FRYL: variants seen among roughly 807,000 people sequenced by gnomAD.
FRYL encodes the protein FRY like transcription coactivator.
Under a neutral mutation model 351.2 loss-of-function variants are expected in FRYL, and 150 were observed. That is an observed-to-expected ratio of 0.43 (90% CI 0.37 to 0.49). FRYL has a LOEUF of 0.49. Ranked by LOEUF, FRYL falls within the 20% of genes least tolerant of loss-of-function variation. The pLI is 0.00. For synonymous variants in FRYL, 1,153 were observed against 1,257.1 expected, an observed-to-expected ratio of 0.92 and a Z score of 1.75; for missense variants, 3,036 against 3,619.3, an observed-to-expected ratio of 0.84 and a Z score of 4.13.
rs750619021 is a variant in FRYL, at chr4:48,515,113, C to T, written c.7852G>A (p.Val2618Ile). 2.5e-6 allele frequency: 4 copies of T among 1,613,826 alleles called. No homozygotes were observed. The African/African-American group carries it at 4.0e-5, about 16-fold the overall frequency. ...GCTAAGGTAACATCCTCTTCACAGA[C>T]TGACTCGGGGTAACTTTCAGGAGCT... ...PLAPESYPES[V>I]CEEDVTLALK... The change falls in exon 56 of 64, where the codon GTC (valine) becomes ATC (isoleucine). Residue 2618 changes from valine (V) to isoleucine (I), a missense_variant. Physicochemically the swap from Val to Ile is conservative, Grantham distance 29. Transcript: ENST00000358350.
At chr4:48,575,940 C>T (rs1739508086) in intron 24 of FRYL, 90 bp downstream of exon 24, 2 of 1,076,386 alleles carry the variant, frequency 1.9e-6, no homozygotes, top group Admixed American at 2.7e-5. Flanking sequence ...AACTGAGTTA[C>T]TTTATTGTCC....
At chr4:48,746,539 C>T (rs1460331137) in intron 1 of FRYL, among the ~76,000 whole-genome samples, 1 of 149,708 alleles carries the variant, frequency 6.7e-6, no homozygotes, top group Non-Finnish European at 1.5e-5. Context: ...AGCAAGACTC[C>T]GTTTTAAAAA....
Position 48,499,483 on chromosome 4 carries a change from T to C in FRYL, c.8981A>G (p.Gln2994Arg). 1 of 1,613,896 alleles carries C rather than the reference T, an allele frequency of 6.2e-7. No individual in the cohort carries two copies. Among genetic ancestry groups the C allele is most frequent in the South Asian group, 1.1e-5 (1 of 91,078 alleles). ...GGCCTGTGCTAGAAGTTGGTATGAT[T>C]GCACCATGCGTAGAGACTCTCTTAT... ...LEIRESLRMV[Q>R]SYQLLAQAKP... The change falls in exon 64 of 64, where the codon CAA becomes CGA. Residue 2994 changes from glutamine (Q) to arginine (R), a missense_variant. Gln to Arg is a conservative substitution (Grantham distance 43). Coordinates refer to ENST00000358350, the MANE Select transcript of FRYL (RefSeq NM_015030.2).
chr4:48,565,080 T>A (rs1736459351), intron 29 of FRYL, 37 bp from the exon 30 acceptor site: 2 of 1,229,588 alleles, frequency 1.6e-6, no homozygotes, highest in Non-Finnish European at 2.3e-6. Context: ...TTTAACAAAT[T>A]TAAGAGGTTA....
intron 47 of FRYL, among the ~76,000 whole-genome samples, chr4:48,537,367 T>A (rs147795607): frequency 0.012 from 1,833 of 152,238 alleles, 82 homozygotes; most frequent in Admixed American, 0.089. Flanking sequence ...CCAAAAAGAG[T>A]GTGTTTTATA....
At chr4:48,543,754 T>A in intron 44 of FRYL, 53 bp downstream of exon 44, 1 of 1,506,992 alleles carries the variant, frequency 6.6e-7, no homozygotes, top group South Asian at 1.2e-5. Flanking sequence ...GGACAATAAA[T>A]CCTTGACAAC....
rs546448131 is a variant in FRYL at position 48,602,952 on chromosome 4, G to A, written c.933+338C>T. Among the ~76,000 whole-genome samples, 7 of 152,216 alleles carry A rather than the reference G, an allele frequency of 4.6e-5. No homozygotes were observed. In the East Asian group the frequency reaches 1.4e-3, roughly 29 times the overall value. Reference sequence around the variant, plus strand: ...ACCATATAGCCTAGGTGTGTAGTAGGCTATACTATTTAGGTTTGTGTAAGT... The same window carrying A: ...ACCATATAGCCTAGGTGTGTAGTAGACTATACTATTTAGGTTTGTGTAAGT... On this transcript the variant is annotated intron_variant, in intron 12 of 63. Coordinates refer to ENST00000358350, the MANE Select transcript of FRYL (RefSeq NM_015030.2).
In FRYL at chr4:48,561,518, G is replaced by A; in HGVS notation, c.3815C>T (p.Ser1272Phe). The change falls in exon 33 of 64, where the codon TCC (serine) becomes TTC (phenylalanine). Residue 1272 changes from serine (S) to phenylalanine (F), a missense_variant. Physicochemically the swap from Ser to Phe is radical, Grantham distance 155. Transcript: ENST00000358350. ...AGGATACGCCCTTGCTAGTTCCTCG[G>A]ACAACTGATAATATGAAACAGAATA... The part of the protein sequence containing the change: ...HLYSVSYYQL[S>F]EELARAYPEL... The A allele has an allele frequency of 6.2e-7, 1 of 1,611,516 alleles. No individual in the cohort carries two copies. Among genetic ancestry groups the A allele is most frequent in the Admixed American group, 1.7e-5 (1 of 59,994 alleles).
chr4:48,744,985 T>C (rs1032036390), intron 1 of FRYL, among the ~76,000 whole-genome samples: 1 of 152,174 alleles, frequency 6.6e-6, no homozygotes, highest in African/African-American at 2.4e-5. Flanking sequence ...TATGATTACA[T>C]TGAGAAATTC....
chr4:48,514,999 C>T (rs960137907), intron 56 of FRYL, 29 bp downstream of exon 56: 2 of 1,587,104 alleles, frequency 1.3e-6, no homozygotes, highest in Non-Finnish European at 1.7e-6. Flanking sequence ...TATCCCCTCA[C>T]TACAGTGTTT....
intron 3 of FRYL, among the ~76,000 whole-genome samples, chr4:48,663,774 C>CAAAAAAAAAAAAA (rs71191251): frequency 1.4e-5 from 1 of 70,112 alleles, no homozygotes; most frequent in African/African-American, 5.0e-5. Flanking sequence ...GACTCCGTCT[C>CAAAAAAAAAAAAA]AAAAAAAAAA....
At position 48,579,041 on chromosome 4, in the gene FRYL, T is replaced by C. The variant is rs1406728063; in HGVS notation, c.2460A>G (p.Thr820=). The C allele has an allele frequency of 1.9e-6, 3 of 1,613,888 alleles. No individual in the cohort carries two copies. Among genetic ancestry groups the C allele is most frequent in the Non-Finnish European group, 1.7e-6 (2 of 1,179,916 alleles). The change falls in exon 23 of 64, where the codon ACA becomes ACG. Residue 820 remains threonine, a synonymous_variant. Coordinates refer to ENST00000358350, the MANE Select transcript of FRYL (RefSeq NM_015030.2). ...KQENLPKHCS[T]AVSYAWMFAY... is the part of the protein sequence containing the mutation. ...CAAACATCCAAGCATAGCTCACAGC[T>C]GTAGAGCAGTGTTTAGGAAGATTTT...
intron 3 of FRYL, among the ~76,000 whole-genome samples, chr4:48,654,611 C>T (rs1758436115): frequency 6.6e-6 from 1 of 152,146 alleles, no homozygotes; most frequent in Non-Finnish European, 1.5e-5. Flanking sequence ...TACTCAAAAG[C>T]GATAACTCTA....
chr4:48,568,866 A>C (rs1263086032), intron 27 of FRYL, among the ~76,000 whole-genome samples: 1 of 152,236 alleles, frequency 6.6e-6, no homozygotes, highest in Admixed American at 6.5e-5. Context: ...CATTAATCTA[A>C]CAAATATTCA....
At chr4:48,618,672 C>T (rs1455904045) in intron 7 of FRYL, 1 of 150,860 alleles carries the variant, frequency 6.6e-6, no homozygotes, top group African/African-American at 2.4e-5. Flanking sequence ...CTATACCTGA[C>T]ACTATATTAT....
Position 48,515,163 on chromosome 4 carries a change from T to C in FRYL, c.7802A>G (p.Glu2601Gly). Reference sequence around the variant, plus strand: ...TAGAGGCTCTGGCATTTCAGTTTCTTCTAAATCAAGAATTCCTTGACACAC... The same window carrying C: ...TAGAGGCTCTGGCATTTCAGTTTCTCCTAAATCAAGAATTCCTTGACACAC... ...SLVCQGILDL[E>G]ETEMPEPLAP... Residue 2601 changes from glutamate (E) to glycine (G), a missense_variant, in exon 56 of 64, where the codon GAA becomes GGA. By Grantham distance (98) the Glu-to-Gly change is moderately conservative. This residue lies in a region of FRYL where 1,987 missense variants were observed against 2,311.7 expected (regional missense o/e 0.86). Transcript: ENST00000358350. 6.2e-7 allele frequency: 1 copy of C among 1,614,042 alleles called. No individual in the cohort carries two copies. Among genetic ancestry groups the C allele is most frequent in the Non-Finnish European group, 8.5e-7 (1 of 1,179,918 alleles).
intron 33 of FRYL, among the ~76,000 whole-genome samples, chr4:48,559,577 A>C (rs1734947710): frequency 8.6e-6 from 1 of 115,712 alleles, no homozygotes; most frequent in Non-Finnish European, 1.7e-5. Context: ...GCACACCTGT[A>C]GTCCCAGCTA....
chr4:48,758,551 G>C (rs1379638106), intron 1 of FRYL, among the ~76,000 whole-genome samples: 1 of 152,224 alleles, frequency 6.6e-6, no homozygotes, highest in Non-Finnish European at 1.5e-5. Flanking sequence ...ACACCAGTTA[G>C]AATGGCGATC....
chr4:48,586,329 G>A (rs1419975966), intron 19 of FRYL, among the ~76,000 whole-genome samples: 1 of 151,836 alleles, frequency 6.6e-6, no homozygotes, highest in African/African-American at 2.4e-5. Flanking sequence ...ATATGTTAAG[G>A]GATAATGTGT....
Sources: gnomAD v4.1 joint callset for allele counts (sites outside exome capture counted in the v4.1 genomes callset) on GRCh38, gnomAD v4.1.1 for gene constraint, gnomAD v4.1.1 regional missense constraint, MANE v1.5 for transcripts, NCBI Gene and HGNC (gene_info 2026-07-23, HGNC 2026-07-21) for gene names.